Variants in CNTNAP2 observed in about 807,000 individuals in gnomAD.
CNTNAP2 encodes the protein contactin-associated protein-like 2.
In CNTNAP2, 98 loss-of-function variants were observed where a neutral mutation model predicts 155.2. The ratio of observed to expected loss-of-function variants is 0.63; its 90% CI spans 0.54 to 0.75. CNTNAP2 has a LOEUF of 0.75. Among genes scored for constraint, CNTNAP2 ranks in the 30% least tolerant of loss-of-function variants. CNTNAP2 has a pLI of 0.00. For missense variants in CNTNAP2, 1,727 were observed against 1,688.1 expected, an observed-to-expected ratio of 1.02 and a Z score of -0.40; for synonymous variants, 651 against 631.2, an observed-to-expected ratio of 1.03 and a Z score of -0.47.
At chr7:147,752,427 C>T (rs930623217) in intron 13 of CNTNAP2, among the ~76,000 whole-genome samples, 1 of 152,094 alleles carries the variant, frequency 6.6e-6, no homozygotes, top group Non-Finnish European at 1.5e-5. Flanking sequence ...TAGTGACAGG[C>T]AGTGTTGGGT....
intron 13 of CNTNAP2, among the ~76,000 whole-genome samples, chr7:147,791,441 GTC>G (rs201629517): frequency 3.9e-4 from 55 of 140,868 alleles, no homozygotes; most frequent in Middle Eastern, 3.9e-3. Context: ...TCTGTTTGCT[GTC>G]TCTCTCTCTC....
chr7:147,420,895 G>GAATACAA (rs1485923654), intron 10 of CNTNAP2, among the ~76,000 whole-genome samples: 1 of 152,126 alleles, frequency 6.6e-6, no homozygotes, highest in Non-Finnish European at 1.5e-5. Flanking sequence ...AGTCCTCGGA[G>GAATACAA]AATACAAAAT....
At chr7:147,265,968 C>T (rs190870084) in intron 8 of CNTNAP2, among the ~76,000 whole-genome samples, 1 of 152,248 alleles carries the variant, frequency 6.6e-6, no homozygotes, top group Non-Finnish European at 1.5e-5. Context: ...AAAGTCCCCA[C>T]AAAAACCTCA....
At chr7:147,306,565 AC>A (rs1263038405) in intron 9 of CNTNAP2, among the ~76,000 whole-genome samples, 1 of 152,258 alleles carries the variant, frequency 6.6e-6, no homozygotes, top group African/African-American at 2.4e-5. Context: ...GTGTAAAAAA[AC>A]AAAGTGTAAA....
At position 146,352,760 on chromosome 7, in the gene CNTNAP2, T is replaced by G. The variant is rs554841557; in HGVS notation, c.97+235787T>G. Among the ~76,000 whole-genome samples the G allele has an allele frequency of 1.0e-4, 13 of 127,570 alleles. No individual in the cohort carries two copies. The East Asian group carries it at 2.2e-3, about 22-fold the overall frequency. The allele number at this position is 127,570 out of a possible 152,430, so 83.7% of individuals were successfully genotyped here. Reference sequence around the variant, plus strand: ...AATTAGCATAATTCTGTTTTTTTTTTTTTTTTTTTTTCGAGACAGAGTCTC... The same window carrying G: ...AATTAGCATAATTCTGTTTTTTTTTGTTTTTTTTTTTCGAGACAGAGTCTC... On this transcript the variant is annotated intron_variant, in intron 1 of 23. Transcript: ENST00000361727.
intron 1 of CNTNAP2, among the ~76,000 whole-genome samples, chr7:146,201,127 G>A (rs1798853371): frequency 6.6e-6 from 1 of 152,024 alleles, no homozygotes. Context: ...TTGCTGTGTA[G>A]AAAGGGGAAT....
At chr7:147,371,704 T>C (rs2116915656) in intron 9 of CNTNAP2, among the ~76,000 whole-genome samples, 1 of 152,234 alleles carries the variant, frequency 6.6e-6, no homozygotes, top group Admixed American at 6.5e-5. Flanking sequence ...TCATTCGATG[T>C]TGTAAGAAAT....
chr7:147,950,437 A>G (rs529324914), intron 14 of CNTNAP2, among the ~76,000 whole-genome samples: 33 of 149,772 alleles, frequency 2.2e-4, no homozygotes, highest in East Asian at 1.2e-3. Context: ...AGTGCTGGAA[A>G]CTCACATTTT....
chr7:147,190,928 T>A (rs1802667054), intron 8 of CNTNAP2, among the ~76,000 whole-genome samples: 1 of 152,200 alleles, frequency 6.6e-6, no homozygotes, highest in African/African-American at 2.4e-5. Context: ...ATTGTCACTT[T>A]CCTGGTGTAA....
chr7:146,830,574 T>C (rs1803490771), intron 2 of CNTNAP2, among the ~76,000 whole-genome samples: 2 of 152,172 alleles, frequency 1.3e-5, no homozygotes, highest in African/African-American at 4.8e-5. Context: ...CTGTATATTA[T>C]TTCATAAAGT....
chr7:148,255,836 C>T (rs968138094), intron 20 of CNTNAP2, among the ~76,000 whole-genome samples: 2 of 152,164 alleles, frequency 1.3e-5, no homozygotes, highest in Non-Finnish European at 2.9e-5. Flanking sequence ...CTTTCTCTCT[C>T]GAGCCTTAAG....
At chr7:147,661,281 A>G (rs28439951) in intron 13 of CNTNAP2, among the ~76,000 whole-genome samples, 6,859 of 152,008 alleles carry the variant, frequency 0.045, 513 homozygotes, top group African/African-American at 0.16. Context: ...CTTCTTTTCT[A>G]AAATTCTTGA....
intron 21 of CNTNAP2, among the ~76,000 whole-genome samples, chr7:148,276,601 G>A (rs1796873546): frequency 6.6e-6 from 1 of 152,236 alleles, no homozygotes; most frequent in South Asian, 2.1e-4. Flanking sequence ...GAGCAGGACT[G>A]AGGTGAATGC....
intron 11 of CNTNAP2, among the ~76,000 whole-genome samples, chr7:147,528,695 C>T (rs1349298805): frequency 1.3e-5 from 2 of 152,100 alleles, no homozygotes; most frequent in African/African-American, 4.8e-5. Context: ...CTAGGTTGGC[C>T]CACACATGAG....
intron 1 of CNTNAP2, among the ~76,000 whole-genome samples, chr7:146,348,696 A>G (rs1223006486): frequency 6.6e-6 from 1 of 151,218 alleles, no homozygotes; most frequent in Non-Finnish European, 1.5e-5. Context: ...ATGTATTAAT[A>G]TCATCTGCTT....
chr7:147,831,555 T>A (rs1308058358), intron 13 of CNTNAP2, among the ~76,000 whole-genome samples: 1 of 152,202 alleles, frequency 6.6e-6, no homozygotes, highest in Admixed American at 6.6e-5. Flanking sequence ...CATGTCAGCA[T>A]CTTGCAAGAA....
chr7:147,896,197 G>C (rs977755078), intron 13 of CNTNAP2, among the ~76,000 whole-genome samples: 1 of 152,122 alleles, frequency 6.6e-6, no homozygotes, highest in Non-Finnish European at 1.5e-5. Context: ...AAATATTTCA[G>C]ATCATCCCCT....
At chr7:147,036,399 C>T (rs1011906160) in intron 3 of CNTNAP2, among the ~76,000 whole-genome samples, 3 of 152,044 alleles carry the variant, frequency 2.0e-5, no homozygotes, top group African/African-American at 4.8e-5. Flanking sequence ...GGATGACTTA[C>T]AATATGTTAA....
intron 3 of CNTNAP2, among the ~76,000 whole-genome samples, chr7:146,940,218 A>AT (rs2066440698): frequency 6.6e-6 from 1 of 151,454 alleles, no homozygotes; most frequent in Non-Finnish European, 1.5e-5. Context: ...TTATTTATTT[A>AT]TTTTTTGAGA....
Sources: gnomAD v4.1 joint callset for allele counts (sites outside exome capture counted in the v4.1 genomes callset) on GRCh38, gnomAD v4.1.1 for gene constraint, MANE v1.5 for transcripts, NCBI Gene and HGNC (gene_info 2026-07-23, HGNC 2026-07-21) for gene names.